TERB2: variants seen among roughly 807,000 people sequenced by gnomAD.
TERB2 encodes telomere repeats-binding bouquet formation protein 2.
TERB2 carries 26 observed loss-of-function variants against 29.8 expected under a neutral mutation model. The observed-to-expected ratio is 0.87, with a 90% confidence interval of 0.64 to 1.21. The LOEUF is 1.21. Among genes scored for constraint, TERB2 ranks in the 50% most tolerant of loss-of-function variants. TERB2 has a pLI of 0.00. For synonymous variants in TERB2, 80 were observed against 90.8 expected, an observed-to-expected ratio of 0.88 and a Z score of 0.68; for missense variants, 240 against 268.6, an observed-to-expected ratio of 0.89 and a Z score of 0.74.
At chr15:44,957,143 G>A (rs539103261) in intron 2 of TERB2, among the ~76,000 whole-genome samples, 166 bp downstream of exon 2, 1 of 151,808 alleles carries the variant, frequency 6.6e-6, no homozygotes, top group Non-Finnish European at 1.5e-5. Context: ...GAACTCGGGA[G>A]GCGGAGGTTG....
intron 4 of TERB2, among the ~76,000 whole-genome samples, 184 bp from the exon 5 acceptor site, chr15:44,965,972 ATG>A (rs1455115192): frequency 6.6e-6 from 1 of 152,202 alleles, no homozygotes; most frequent in African/African-American, 2.4e-5. Context: ...GTATAATTAT[ATG>A]TGTGTGTGGA....
intron 2 of TERB2, among the ~76,000 whole-genome samples, chr15:44,957,454 T>C (rs1379017577): frequency 6.6e-6 from 1 of 152,048 alleles, no homozygotes. Flanking sequence ...ATGTAGCGCC[T>C]TGAAGGCCCC....
At position 44,978,957 on chromosome 15, in the gene TERB2, C is replaced by T. The variant is rs58332018; in HGVS notation, c.*329C>T. On this transcript the variant is annotated 3_prime_UTR_variant, in exon 7 of 7. Transcript: ENST00000340827. ...CTCCTCTTTCTTGCTTTCTCTTTTC[C>T]CTCTCTCTTTCTCTCCTCCCCTTCT... 0.017 allele frequency: 2,666 copies of T among 161,386 alleles called. 24 individuals are homozygous for T. The highest frequency in any genetic ancestry group is 0.029 in the Middle Eastern group (10 of 344). The allele number at this position is 161,386 out of a possible 1,614,324, so 10.0% of individuals were successfully genotyped here.
intron 4 of TERB2, among the ~76,000 whole-genome samples, 168 bp downstream of exon 4, chr15:44,961,752 T>G (rs1013522573): frequency 4.6e-5 from 7 of 152,214 alleles, no homozygotes; most frequent in African/African-American, 1.7e-4. Flanking sequence ...CAGGCTGGAG[T>G]GTAGCAACGC....
At chr15:44,958,752 T>G (rs1891760033) in intron 3 of TERB2, among the ~76,000 whole-genome samples, 2 of 152,392 alleles carry the variant, frequency 1.3e-5, no homozygotes, top group African/African-American at 4.8e-5. Flanking sequence ...GTGCCAGGTT[T>G]CAACCTGGGT....
intron 6 of TERB2, among the ~76,000 whole-genome samples, chr15:44,976,951 A>G (rs777795416): frequency 4.7e-4 from 71 of 152,038 alleles, no homozygotes; most frequent in South Asian, 4.2e-3. Flanking sequence ...GTCATTGGCC[A>G]TATTTTCTAC....
At chr15:44,974,366 C>T (rs562318935) in intron 6 of TERB2, among the ~76,000 whole-genome samples, 2 of 152,262 alleles carry the variant, frequency 1.3e-5, no homozygotes, top group South Asian at 2.1e-4. Flanking sequence ...ACATAACACA[C>T]ACACTGCCAT....
chr15:44,961,340 C>CA (rs1342671004), intron 3 of TERB2, among the ~76,000 whole-genome samples, 183 bp from the exon 4 acceptor site: 3 of 151,420 alleles, frequency 2.0e-5, no homozygotes, highest in African/African-American at 7.2e-5. Context: ...GTTAGAAATG[C>CA]AAATTCCAGA....
chr15:44,957,098 C>G, intron 2 of TERB2, 121 bp downstream of exon 2: 6 of 1,060,560 alleles, frequency 5.7e-6, no homozygotes, highest in Non-Finnish European at 8.3e-6. Context: ...CCTATAATCC[C>G]AGCTACTGGG....
chr15:44,956,770 A>C lies in TERB2; in HGVS notation c.52A>C (p.Arg18=). ...TTGCGGCAGCGTTAGCCAGGATCTG[A>C]GGCAATTCTGGGGTAGGAAGCTGAG... ...WFCGSVSQDL[R]QFWVAEGGTI... The change falls in exon 1 of 7, where the codon AGG becomes CGG. Residue 18 remains arginine, a synonymous_variant. Transcript: ENST00000340827. The C allele has an allele frequency of 6.2e-7, 1 of 1,613,846 alleles. No individual in the cohort carries two copies. The highest frequency in any genetic ancestry group is 8.5e-7 in the Non-Finnish European group (1 of 1,179,890).
intron 5 of TERB2, 151 bp from the exon 6 acceptor site, chr15:44,973,716 C>A: frequency 1.9e-6 from 1 of 525,686 alleles, no homozygotes; most frequent in Non-Finnish European, 2.5e-6. Context: ...TAAAACAAAT[C>A]CAAATATATA....
intron 4 of TERB2, among the ~76,000 whole-genome samples, chr15:44,965,491 T>A (rs1424477451): frequency 6.9e-6 from 1 of 144,402 alleles, no homozygotes; most frequent in Non-Finnish European, 1.5e-5. Flanking sequence ...TATATTTATA[T>A]AGATATATAT....
chr15:44,961,407 T>C, intron 3 of TERB2, 116 bp from the exon 4 acceptor site: 1 of 663,038 alleles, frequency 1.5e-6, no homozygotes, highest in South Asian at 1.9e-5. Context: ...GTGTGTTATG[T>C]GATTTTGTTG....
rs778724954 is a variant in TERB2 at position 44,956,735 on chromosome 15, G to A, written c.17G>A (p.Arg6His). 5.0e-6 allele frequency: 8 copies of A among 1,612,024 alleles called. No homozygotes were observed. Among genetic ancestry groups the A allele is most frequent in the East Asian group, 4.5e-5 (2 of 44,878 alleles). MFQGQRGWFCGSVSQD... is the reference protein window; with the variant it reads MFQGQHGWFCGSVSQD... ...GGCGACGCCATGTTTCAAGGGCAGCGCGGTTGGTTTTGCGGCAGCGTTAGC... is the reference window on the plus strand; with the variant it reads ...GGCGACGCCATGTTTCAAGGGCAGCACGGTTGGTTTTGCGGCAGCGTTAGC... Residue 6 changes from arginine (R) to histidine (H), a missense_variant, in exon 1 of 7, where the codon CGC (arginine) becomes CAC (histidine). By Grantham distance (29) the Arg-to-His change is conservative. Transcript: ENST00000340827.
intron 5 of TERB2, among the ~76,000 whole-genome samples, chr15:44,967,300 G>T (rs1054708851): frequency 6.6e-6 from 1 of 152,172 alleles, no homozygotes; most frequent in African/African-American, 2.4e-5. Flanking sequence ...CAAACCTGTG[G>T]CCGGAGTCAA....
At chr15:44,977,583 G>C (rs1252845747) in intron 6 of TERB2, among the ~76,000 whole-genome samples, 1 of 152,116 alleles carries the variant, frequency 6.6e-6, no homozygotes, top group Non-Finnish European at 1.5e-5. Context: ...TAAAGTAAAT[G>C]ACCATGATTA....
intron 4 of TERB2, 21 bp downstream of exon 4, chr15:44,961,605 T>C (rs771026339): frequency 6.6e-7 from 1 of 1,525,262 alleles, no homozygotes; most frequent in Non-Finnish European, 8.9e-7. Flanking sequence ...ATTAAGGTAC[T>C]TGATTAGCAT....
intron 5 of TERB2, among the ~76,000 whole-genome samples, chr15:44,973,393 C>T (rs780298209): frequency 1.3e-5 from 2 of 151,988 alleles, no homozygotes; most frequent in African/African-American, 4.8e-5. Context: ...GAGAAAAAGA[C>T]CCAGGACTCT....
chr15:44,957,215 A>G (rs1246006216), intron 2 of TERB2, among the ~76,000 whole-genome samples: 1 of 150,128 alleles, frequency 6.7e-6, no homozygotes, highest in Non-Finnish European at 1.5e-5. Context: ...TTCCATCTCA[A>G]AAAAAAAAAA....
Sources: allele counts gnomAD v4.1 joint callset (sites outside exome capture counted in the v4.1 genomes callset), GRCh38; gene constraint gnomAD v4.1.1; transcripts MANE v1.5; gene names NCBI Gene and HGNC (gene_info 2026-07-23, HGNC 2026-07-21).